The following PTPRR variants were observed in gnomAD, a reference collection of about 807,000 sequenced individuals.
PTPRR encodes the protein protein tyrosine phosphatase receptor type R, also known as receptor-type tyrosine-protein phosphatase R.
PTPRR carries 38 observed loss-of-function variants against 77.2 expected under a neutral mutation model. That is an observed-to-expected ratio of 0.49 (90% CI 0.38 to 0.65). PTPRR has a LOEUF of 0.65. Among genes scored for constraint, PTPRR ranks in the 30% least tolerant of loss-of-function variants. The pLI, the probability that PTPRR is intolerant of heterozygous loss-of-function variation, is 0.00. For synonymous variants in PTPRR, 299 were observed against 283.1 expected (o/e 1.06, Z -0.57); for missense variants, 744 against 799.2 (o/e 0.93, Z 0.83).
chr12:70,677,388 C>A (rs1366897491), intron 10 of PTPRR, among the ~76,000 whole-genome samples: 1 of 152,068 alleles, frequency 6.6e-6, no homozygotes, highest in South Asian at 2.1e-4. Flanking sequence ...GCCTTCCTTT[C>A]CGATTTTGCC....
Position 70,688,197 on chromosome 12 carries a change from C to G in PTPRR, c.1280-3414G>C, listed in dbSNP as rs193291712. On this transcript the variant is annotated intron_variant, in intron 8 of 13. Coordinates refer to ENST00000283228, the MANE Select transcript of PTPRR (RefSeq NM_002849.4). ...GGGCAAAAATTTCTTGGATATGACC[C>G]TGAAAGCACAATGAAAGCAAAAATA... 1.1e-3 allele frequency among the ~76,000 whole-genome samples: 173 copies of G among 152,162 alleles called. 1 individual carries two copies. Among genetic ancestry groups the G allele is most frequent in the African/African-American group, 3.8e-3 (158 of 41,498 alleles).
At chr12:70,838,285 G>A (rs550398082) in intron 2 of PTPRR, among the ~76,000 whole-genome samples, 1 of 152,296 alleles carries the variant, frequency 6.6e-6, no homozygotes, top group South Asian at 2.1e-4. Flanking sequence ...TTTCATGAAT[G>A]AGGTTGCATA....
chr12:70,911,129 C>G (rs756166201), intron 1 of PTPRR, among the ~76,000 whole-genome samples: 17 of 152,146 alleles, frequency 1.1e-4, no homozygotes, highest in African/African-American at 2.9e-4. Context: ...TTATGTTCTT[C>G]CCATACCCAT....
intron 2 of PTPRR, among the ~76,000 whole-genome samples, chr12:70,874,176 G>A (rs1893008828): frequency 6.6e-6 from 1 of 151,902 alleles, no homozygotes; most frequent in Non-Finnish European, 1.5e-5. Context: ...GTACTCTTTG[G>A]GCCCATACTT....
At chr12:70,739,241 A>G (rs1487303400) in intron 6 of PTPRR, among the ~76,000 whole-genome samples, 1 of 152,188 alleles carries the variant, frequency 6.6e-6, no homozygotes, top group Admixed American at 6.5e-5. Context: ...AACAAAAAGA[A>G]TATTAGATTT....
rs986571452 is a variant in PTPRR, at chr12:70,684,381, G to A, written c.1360-117C>T. 1.9e-5 allele frequency: 21 copies of A among 1,081,178 alleles called. No individual in the cohort carries two copies. In the African/African-American group the frequency reaches 2.4e-4, roughly 12 times the overall value. The allele number at this position is 1,081,178 out of a possible 1,614,324, so 67.0% of individuals were successfully genotyped here. On this transcript the variant is annotated intron_variant, in intron 9 of 13. Transcript: ENST00000283228. ...CTAGTACAAAAGCAACACAGGTTAC[G>A]GCTTCACTGACTCTAGTACAACAAT...
At chr12:70,864,866 C>T (rs931562805) in intron 2 of PTPRR, among the ~76,000 whole-genome samples, 3 of 152,150 alleles carry the variant, frequency 2.0e-5, no homozygotes, top group Non-Finnish European at 4.4e-5. Flanking sequence ...GGCTAGAGTA[C>T]AGTGGTGGGA....
At chr12:70,672,438 G>T in intron 10 of PTPRR, 2 of 1,091,634 alleles carry the variant, frequency 1.8e-6, no homozygotes, top group Non-Finnish European at 1.4e-6. Flanking sequence ...AGCACATCAA[G>T]GCCACAGATG....
chr12:70,841,305 T>G (rs185284710), intron 2 of PTPRR, among the ~76,000 whole-genome samples: 2 of 152,274 alleles, frequency 1.3e-5, no homozygotes, highest in African/African-American at 4.8e-5. Flanking sequence ...ATGAAAAGAT[T>G]TGATTTTAAA....
intron 2 of PTPRR, among the ~76,000 whole-genome samples, chr12:70,774,665 C>T (rs1011015648): frequency 1.3e-5 from 2 of 152,032 alleles, no homozygotes; most frequent in African/African-American, 4.8e-5. Flanking sequence ...TCTGACTCTT[C>T]CCCATAAAAA....
intron 2 of PTPRR, among the ~76,000 whole-genome samples, chr12:70,768,986 A>G (rs1190115171): frequency 6.6e-6 from 1 of 150,536 alleles, no homozygotes; most frequent in Non-Finnish European, 1.5e-5. Flanking sequence ...CTCTCAATGA[A>G]TTAGGTATTG....
At chr12:70,854,981 G>T (rs11838125) in intron 2 of PTPRR, among the ~76,000 whole-genome samples, 2,204 of 152,252 alleles carry the variant, frequency 0.014, 58 homozygotes, top group African/African-American at 0.05. Context: ...TCTAGGGTCA[G>T]AAATGTAAAC....
intron 2 of PTPRR, among the ~76,000 whole-genome samples, chr12:70,861,433 G>T (rs1892751253): frequency 6.6e-6 from 1 of 152,126 alleles, no homozygotes; most frequent in African/African-American, 2.4e-5. Context: ...CTGTAAAGTT[G>T]AGTTTGAGAA....
intron 1 of PTPRR, among the ~76,000 whole-genome samples, chr12:70,904,904 G>T (rs1309862870): frequency 6.6e-6 from 1 of 151,748 alleles, no homozygotes; most frequent in Non-Finnish European, 1.5e-5. Context: ...TATAATAAGA[G>T]AGTGACTATG....
intron 6 of PTPRR, among the ~76,000 whole-genome samples, chr12:70,703,971 G>A (rs1888523019): frequency 6.6e-6 from 1 of 152,180 alleles, no homozygotes; most frequent in Non-Finnish European, 1.5e-5. Flanking sequence ...AGGAAAAAAA[G>A]TGTAGGAGAA....
In PTPRR at chr12:70,889,636, G is replaced by A. The variant is rs193059595; in HGVS notation, c.357+3043C>T. Reference sequence around the variant, plus strand: ...ATTCTAGGATCTCAAGGAGAGGATCGCAAGCCCCTGGAAACTCATCATCTT... The same window carrying A: ...ATTCTAGGATCTCAAGGAGAGGATCACAAGCCCCTGGAAACTCATCATCTT... On this transcript the variant is annotated intron_variant, in intron 2 of 13. Coordinates refer to ENST00000283228, the MANE Select transcript of PTPRR (RefSeq NM_002849.4). 2.0e-3 allele frequency among the ~76,000 whole-genome samples: 306 copies of A among 152,088 alleles called. 1 individual carries two copies. The highest frequency in any genetic ancestry group is 6.8e-3 in the Middle Eastern group (2 of 294).
At chr12:70,909,042 A>G (rs1335925426) in intron 1 of PTPRR, among the ~76,000 whole-genome samples, 1 of 152,184 alleles carries the variant, frequency 6.6e-6, no homozygotes, top group Non-Finnish European at 1.5e-5. Context: ...TTAGAAACAT[A>G]GTTCCCAAGT....
chr12:70,896,461 A>T (rs75949138), intron 1 of PTPRR, among the ~76,000 whole-genome samples: 1 of 151,678 alleles, frequency 6.6e-6, no homozygotes, highest in Non-Finnish European at 1.5e-5. Context: ...GTATTCATCT[A>T]GACAGATCAT....
At chr12:70,808,224 T>C (rs1346000219) in intron 2 of PTPRR, among the ~76,000 whole-genome samples, 2 of 152,144 alleles carry the variant, frequency 1.3e-5, no homozygotes, top group Non-Finnish European at 2.9e-5. Context: ...CTAGTCAGAC[T>C]GGTTCTCTGC....
Sources: allele counts gnomAD v4.1 joint callset (sites outside exome capture counted in the v4.1 genomes callset), GRCh38; gene constraint gnomAD v4.1.1; transcripts MANE v1.5; gene names NCBI Gene and HGNC (gene_info 2026-07-23, HGNC 2026-07-21).